Variants in MORF4L1 observed in about 807,000 individuals in gnomAD.
The protein encoded by MORF4L1 is mortality factor 4-like protein 1.
In MORF4L1, 4 loss-of-function variants were observed where a neutral mutation model predicts 52.9. That is an observed-to-expected ratio of 0.08 (90% CI 0.04 to 0.17). The LOEUF (loss-of-function observed/expected upper bound fraction) is 0.17. Among genes scored for constraint, MORF4L1 ranks in the 10% least tolerant of loss-of-function variants. The pLI is 1.00. For missense variants in MORF4L1, 214 were observed against 390.4 expected, an observed-to-expected ratio of 0.55 and a Z score of 3.81; for synonymous variants, 123 against 134.8, an observed-to-expected ratio of 0.91 and a Z score of 0.61.
intron 8 of MORF4L1, among the ~76,000 whole-genome samples, 153 bp from the exon 9 acceptor site, chr15:78,893,386 C>T (rs758409604): frequency 1.3e-5 from 2 of 152,214 alleles, no homozygotes; most frequent in Non-Finnish European, 2.9e-5. Flanking sequence ...TGTAGTTTCT[C>T]AGCCACATTA....
At chr15:78,873,177 A>G (rs2056401582) in intron 1 of MORF4L1, 120 bp downstream of exon 1, 1 of 1,529,846 alleles carries the variant, frequency 6.5e-7, no homozygotes, top group Admixed American at 2.3e-5. Context: ...GGCGGCGGTC[A>G]GTGCTTTGTG....
At chr15:78,879,535 AAAG>A (rs768158971) in intron 2 of MORF4L1, among the ~76,000 whole-genome samples, 1 of 152,198 alleles carries the variant, frequency 6.6e-6, no homozygotes, top group Non-Finnish European at 1.5e-5. Context: ...GTCTCTTAAA[AAAG>A]AAATCCTAAA....
intron 5 of MORF4L1, 150 bp from the exon 6 acceptor site, chr15:78,890,839 A>G: frequency 1.5e-6 from 1 of 687,056 alleles, no homozygotes; most frequent in South Asian, 2.9e-5. Context: ...CTATCAATAA[A>G]AATCCTTGTG....
intron 2 of MORF4L1, among the ~76,000 whole-genome samples, 156 bp downstream of exon 2, chr15:78,878,415 ATTG>A (rs144035412): frequency 0.053 from 8,003 of 152,094 alleles, 220 homozygotes; most frequent in Middle Eastern, 0.13. Context: ...TGAGATTCTT[ATTG>A]TTTTGCTTAG....
chr15:78,873,447 G>A (rs1415399232), intron 1 of MORF4L1, among the ~76,000 whole-genome samples: 1 of 152,144 alleles, frequency 6.6e-6, no homozygotes, highest in Non-Finnish European at 1.5e-5. Flanking sequence ...TGTTTCGGGC[G>A]GTCCTGCGGC....
intron 3 of MORF4L1, among the ~76,000 whole-genome samples, chr15:78,881,495 TTTTG>T (rs766746480): frequency 1.1e-4 from 1 of 8,984 alleles, no homozygotes; most frequent in African/African-American, 2.6e-4. Context: ...TGCCCGGCCT[TTTTG>T]TGTGTGTGTG....
chr15:78,876,298 T>C (rs552319243), intron 1 of MORF4L1, among the ~76,000 whole-genome samples: 13 of 152,282 alleles, frequency 8.5e-5, no homozygotes, highest in Admixed American at 2.0e-4. Context: ...CGTAAACTTA[T>C]AAAAAAGTTT....
chr15:78,880,479 T>C (rs2056581118), intron 2 of MORF4L1, 33 bp from the exon 3 acceptor site: 1 of 1,520,196 alleles, frequency 6.6e-7, no homozygotes, highest in South Asian at 1.2e-5. Context: ...AAAAAATTTC[T>C]AAGTGAATTA....
chr15:78,890,864 A>G, intron 5 of MORF4L1, 125 bp from the exon 6 acceptor site: 3 of 925,232 alleles, frequency 3.2e-6, no homozygotes, highest in Non-Finnish European at 4.4e-6. Flanking sequence ...AGTAGGACAC[A>G]TATTTACCAC....
intron 4 of MORF4L1, among the ~76,000 whole-genome samples, chr15:78,886,848 C>T (rs547926218): frequency 5.3e-5 from 8 of 151,376 alleles, no homozygotes; most frequent in East Asian, 2.0e-4. Flanking sequence ...CCAGCTACTC[C>T]GGAGGCTGAG....
intron 2 of MORF4L1, among the ~76,000 whole-genome samples, chr15:78,879,017 A>G (rs545464594): frequency 1.9e-4 from 28 of 150,698 alleles, no homozygotes; most frequent in African/African-American, 6.9e-4. Flanking sequence ...CTGACTAAAT[A>G]TTAGCCATTT....
Position 78,897,201 on chromosome 15 carries a change from C to G in MORF4L1, c.*134C>G. ...TGTTTGTTTTCTGTTTGATTTTAAA[C>G]AGAGAAAAAATAAAAGGGGGTAATA... is the stretch of plus-strand genomic sequence containing the variant. On this transcript the variant is annotated 3_prime_UTR_variant, in exon 12 of 12. Coordinates refer to ENST00000426013, the MANE Select transcript of MORF4L1 (RefSeq NM_006791.4). 1 of 653,868 alleles carries G rather than the reference C, an allele frequency of 1.5e-6. No individual in the cohort carries two copies. The highest frequency in any genetic ancestry group is 2.5e-6 in the Non-Finnish European group (1 of 394,728). 40.5% of individuals were successfully genotyped at this position (653,868 alleles called of 1,614,324 possible).
chr15:78,877,113 ATTTTTTTTTTTTT>A (rs60811430), intron 1 of MORF4L1, among the ~76,000 whole-genome samples: 13 of 60,954 alleles, frequency 2.1e-4, no homozygotes, highest in Middle Eastern at 9.3e-3. Context: ...CGCCCGGCTG[ATTTTTTTTTTTTT>A]TTTTTTTTTT....
chr15:78,894,681 T>G, intron 10 of MORF4L1, 139 bp from the exon 11 acceptor site: 1 of 679,848 alleles, frequency 1.5e-6, no homozygotes, highest in Non-Finnish European at 2.6e-6. Context: ...GTGCTGGGAT[T>G]ACAGGCGTGA....
rs1248342521 is a variant in MORF4L1, at chr15:78,897,092, T to C, written c.*25T>C. 6.4e-6 allele frequency: 10 copies of C among 1,565,974 alleles called. No individual in the cohort carries two copies. Among genetic ancestry groups the C allele is most frequent in the Non-Finnish European group, 7.9e-6 (9 of 1,138,224 alleles). On this transcript the variant is annotated 3_prime_UTR_variant, in exon 12 of 12. Transcript: ENST00000426013. ...AGAGGCACTCTCACTCACTTATGTT[T>C]GGATCTCCGTAAACACATTTTTGTT... is the stretch of plus-strand genomic sequence containing the variant.
rs559962981 is a variant in MORF4L1 at position 78,891,263 on chromosome 15, TAAATG to T, written c.350-220_350-216del. ...CCACTGAGAAGATAACATTTATAAA[TAAATG>T]GAAGATGGTGATACTAAATGTTGTC... On this transcript the variant is annotated intron_variant, in intron 6 of 11. Coordinates refer to ENST00000426013, the MANE Select transcript of MORF4L1 (RefSeq NM_006791.4). 219 of 655,762 alleles carry T rather than the reference TAAATG, an allele frequency of 3.3e-4. 1 individual carries two copies. In the African/African-American group the frequency reaches 3.4e-3, roughly 10 times the overall value. 40.6% of individuals were successfully genotyped at this position (655,762 alleles called of 1,614,324 possible).
intron 1 of MORF4L1, among the ~76,000 whole-genome samples, chr15:78,877,047 C>G (rs2056506133): frequency 6.8e-6 from 1 of 147,382 alleles, no homozygotes; most frequent in Non-Finnish European, 1.5e-5. Flanking sequence ...TCAAGCGATT[C>G]TCATGTCTCA....
Position 78,887,713 on chromosome 15 carries a change from C to G in MORF4L1, c.323+364C>G, listed in dbSNP as rs1318115083. Among the ~76,000 whole-genome samples, 3 of 152,322 alleles carry G rather than the reference C, an allele frequency of 2.0e-5. No homozygotes were observed. In the East Asian group the frequency reaches 5.8e-4, roughly 29 times the overall value. On this transcript the variant is annotated intron_variant, in intron 5 of 11. Transcript: ENST00000426013. Reference sequence around the variant, plus strand: ...AATTAACCTCCACTTTGGTGAAACTCATGGTAAGAATATGTGAGAAGTTAA... The same window carrying G: ...AATTAACCTCCACTTTGGTGAAACTGATGGTAAGAATATGTGAGAAGTTAA...
intron 10 of MORF4L1, 34 bp from the exon 11 acceptor site, chr15:78,894,786 A>G (rs1267221573): frequency 4.0e-6 from 6 of 1,500,574 alleles, no homozygotes; most frequent in Non-Finnish European, 5.6e-6. Flanking sequence ...CCTGCCTTGG[A>G]TGTAACTTTG....
Sources: gnomAD v4.1 joint callset for allele counts (sites outside exome capture counted in the v4.1 genomes callset) on GRCh38, gnomAD v4.1.1 for gene constraint, MANE v1.5 for transcripts, NCBI Gene and HGNC (gene_info 2026-07-23, HGNC 2026-07-21) for gene names.